The following HFM1 variants were observed in gnomAD, a reference collection of about 807,000 sequenced individuals.
HFM1 encodes probable ATP-dependent DNA helicase HFM1.
Under a neutral mutation model 192.1 loss-of-function variants are expected in HFM1, and 169 were observed. The observed-to-expected ratio is 0.88, with a 90% CI of 0.78 to 1.00. The LOEUF (loss-of-function observed/expected upper bound fraction) is 1.00, where lower values mean the gene tolerates loss of function less well. Ranked by LOEUF, HFM1 falls within the 50% of genes least tolerant of loss-of-function variation. The pLI, the probability that HFM1 is intolerant of heterozygous loss-of-function variation, is 0.00. For synonymous variants in HFM1, 525 were observed against 537.8 expected, an observed-to-expected ratio of 0.98 and a Z score of 0.33; for missense variants, 1,661 against 1,668.0, an observed-to-expected ratio of 1.00 and a Z score of 0.07.
chr1:91,380,244 A>G lies in HFM1; in HGVS notation c.874-8T>C. The G allele has an allele frequency of 6.7e-7, 1 of 1,494,384 alleles. No individual in the cohort carries two copies. The highest frequency in any genetic ancestry group is 9.0e-7 in the Non-Finnish European group (1 of 1,112,120). 92.6% of individuals were successfully genotyped at this position (1,494,384 alleles called of 1,614,324 possible). On this transcript the variant is annotated splice_polypyrimidine_tract_variant and splice_region_variant and intron_variant, in intron 7 of 38. Coordinates refer to ENST00000370425, the MANE Select transcript of HFM1 (RefSeq NM_001017975.6). ...CCTATCTGTGTAAAGAAGCTAAAAA[A>G]TAAAAAGTAATCAATCATGTAACAT...
intron 13 of HFM1, among the ~76,000 whole-genome samples, chr1:91,365,863 G>A (rs1276880551): frequency 6.6e-6 from 1 of 150,394 alleles, no homozygotes; most frequent in South Asian, 2.1e-4. Flanking sequence ...TATTGATTAA[G>A]AAATTGAAGT....
intron 30 of HFM1, among the ~76,000 whole-genome samples, chr1:91,277,842 C>CT (rs1667052329): frequency 1.7e-5 from 2 of 115,444 alleles, no homozygotes; most frequent in Non-Finnish European, 3.3e-5. Flanking sequence ...ATAATATATA[C>CT]TAATATATAT....
At position 91,262,483 on chromosome 1, in the gene HFM1, T is replaced by C. The variant is rs185069773; in HGVS notation, c.4084A>G (p.Ile1362Val). 2 of 1,589,238 alleles carry C rather than the reference T, an allele frequency of 1.3e-6. No homozygotes were observed. The highest frequency in any genetic ancestry group is 2.2e-5 in the East Asian group (1 of 44,634). The part of the protein sequence containing the change: ...KLPQQAGNAV[I>V]VHFQERKPQN... ...AACAAAGAAGTGCTTCTTCTTACAA[T>C]AACTGCATTTCCGGCTTGTTGAGGT... Residue 1362 changes from isoleucine to valine, a missense_variant and splice_region_variant, in exon 37 of 39, where the codon ATT becomes GTT. Transcript: ENST00000370425.
Position 91,385,234 on chromosome 1 carries a change from T to C in HFM1, c.755A>G (p.Glu252Gly). 6.5e-7 allele frequency: 1 copy of C among 1,535,974 alleles called. No individual in the cohort carries two copies. The highest frequency in any genetic ancestry group is 8.9e-7 in the Non-Finnish European group (1 of 1,118,698). ...SVAFQPHDIQ[E>G]VTENGLGSLK... Reference sequence around the variant, plus strand: ...GGAACCTAAACCATTTTCTGTTACCTCTGAAAAAAAAATGCTACATATTTA... The same window carrying C: ...GGAACCTAAACCATTTTCTGTTACCCCTGAAAAAAAAATGCTACATATTTA... Residue 252 changes from glutamate (E) to glycine (G), a missense_variant and splice_region_variant, in exon 6 of 39, where the codon GAG becomes GGG. Glu to Gly is a moderately conservative substitution (Grantham distance 98). Coordinates refer to ENST00000370425, the MANE Select transcript of HFM1 (RefSeq NM_001017975.6).
rs117805832 is a variant in HFM1 at position 91,286,249 on chromosome 1, G to A, written c.3392-9187C>T. On this transcript the variant is annotated intron_variant, in intron 30 of 38. Coordinates refer to ENST00000370425, the MANE Select transcript of HFM1 (RefSeq NM_001017975.6). ...ACAGATTAGTATATTAGTTTTCTAG[G>A]GTGGCTATAACAAAGTACCACACAC... is the stretch of plus-strand genomic sequence containing the variant. 6.2e-3 allele frequency among the ~76,000 whole-genome samples: 939 copies of A among 152,058 alleles called. 39 individuals carry two copies. The highest frequency in any genetic ancestry group is 0.056 in the East Asian group (289 of 5,162).
At position 91,263,541 on chromosome 1, in the gene HFM1, A is replaced by C. The variant is rs1665369748; in HGVS notation, c.3975-949T>G. Among the ~76,000 whole-genome samples the C allele has an allele frequency of 2.0e-5, 3 of 152,114 alleles. No individual in the cohort carries two copies. In the South Asian group the frequency reaches 6.2e-4, roughly 32 times the overall value. On this transcript the variant is annotated intron_variant, in intron 36 of 38. Transcript: ENST00000370425. ...AGGACAGCTTGAGTCCAGGAGTTTG[A>C]GGCCAGCTTAGTCAACATAGCAAGA...
chr1:91,339,236 A>C (rs1655014037), intron 20 of HFM1, among the ~76,000 whole-genome samples: 1 of 151,582 alleles, frequency 6.6e-6, no homozygotes, highest in Non-Finnish European at 1.5e-5. Context: ...AAAATACCAG[A>C]GTGTTTTCTT....
chr1:91,378,675 A>T (rs944747002), intron 9 of HFM1, among the ~76,000 whole-genome samples, 195 bp from the exon 10 acceptor site: 3 of 152,126 alleles, frequency 2.0e-5, no homozygotes, highest in Non-Finnish European at 4.4e-5. Context: ...AGGTATTTTT[A>T]AAACTGGGCC....
chr1:91,385,746 G>C lies in HFM1; in HGVS notation c.583C>G (p.Gln195Glu), dbSNP rs1299213476. 3.1e-6 allele frequency: 5 copies of C among 1,612,130 alleles called. No homozygotes were observed. In the East Asian group the frequency reaches 1.1e-4, roughly 36 times the overall value. Residue 195 changes from glutamine (Q) to glutamate (E), a missense_variant, in exon 5 of 39, where the codon CAA becomes GAA. Physicochemically the swap from Gln to Glu is conservative, Grantham distance 29. Transcript: ENST00000370425. Reference sequence around the variant, plus strand: ...GATTTCCCTTTGTTCATTTCTGTTTGTACAATTTTCACTGAGCCAATGTGA... The same window carrying C: ...GATTTCCCTTTGTTCATTTCTGTTTCTACAATTTTCACTGAGCCAATGTGA... ...DSHIGSVKIV[Q>E]TEMNKGKSRN...
At chr1:91,321,166 G>A (rs1368248063) in intron 23 of HFM1, among the ~76,000 whole-genome samples, 2 of 152,218 alleles carry the variant, frequency 1.3e-5, no homozygotes, top group African/African-American at 4.8e-5. Flanking sequence ...GCAGAGCCAG[G>A]CACGCTGGCT....
In HFM1 at chr1:91,352,603, A is replaced by G. The variant is rs1209622397; in HGVS notation, c.1880T>C (p.Val627Ala). 1.9e-6 allele frequency: 3 copies of G among 1,609,036 alleles called. No homozygotes were observed. In the South Asian group the frequency reaches 3.3e-5, roughly 18 times the overall value. Residue 627 changes from valine to alanine, a missense_variant, in exon 16 of 39, where the codon GTA (valine) becomes GCA (alanine). Val to Ala is a moderately conservative substitution (Grantham distance 64). Transcript: ENST00000370425. ...ATAATGCATTGTAGATTTTATAACT[A>G]CTAGGTGAGCAGGCAAATTTACTCC... is the stretch of plus-strand genomic sequence containing the variant. ...AMGVNLPAHL[V>A]VIKSTMHYAG...
intron 20 of HFM1, among the ~76,000 whole-genome samples, chr1:91,327,981 A>C (rs962318616): frequency 6.6e-6 from 1 of 152,194 alleles, no homozygotes; most frequent in Non-Finnish European, 1.5e-5. Flanking sequence ...TATGAAGAGG[A>C]AAGTTTATAG....
chr1:91,356,313 G>A (rs1254886128), intron 13 of HFM1, among the ~76,000 whole-genome samples: 3 of 150,734 alleles, frequency 2.0e-5, no homozygotes, highest in East Asian at 1.9e-4. Flanking sequence ...GCATGATCTC[G>A]GCTCACTGCA....
chr1:91,400,960 C>CA (rs2102212124), intron 2 of HFM1, 52 bp downstream of exon 2: 1 of 859,026 alleles, frequency 1.2e-6, no homozygotes, highest in African/African-American at 1.8e-5. Flanking sequence ...CACCCAAATT[C>CA]AAAAAACCCT....
intron 20 of HFM1, among the ~76,000 whole-genome samples, chr1:91,326,390 A>T (rs172191): frequency 6.6e-6 from 1 of 151,946 alleles, no homozygotes; most frequent in Non-Finnish European, 1.5e-5. Flanking sequence ...CATAGAATGG[A>T]GCTCCAATGT....
intron 13 of HFM1, among the ~76,000 whole-genome samples, chr1:91,364,607 CATATATATAT>C (rs202070365): frequency 2.0e-5 from 2 of 97,924 alleles, no homozygotes; most frequent in African/African-American, 8.6e-5. Context: ...TATACATATA[CATATATATAT>C]ATATATATAT....
chr1:91,313,091 C>CT (rs1364542477), intron 30 of HFM1, among the ~76,000 whole-genome samples: 1 of 152,086 alleles, frequency 6.6e-6, no homozygotes, highest in African/African-American at 2.4e-5. Context: ...TCAGGTATGT[C>CT]TTTATCAGCA....
At chr1:91,406,297 C>T (rs1381969624), upstream of HFM1, among the ~76,000 whole-genome samples, 1 of 152,160 alleles carries the variant, frequency 6.6e-6, no homozygotes, top group African/African-American at 2.4e-5. Context: ...GCAGCTTGAA[C>T]TAAGATAGGG....
At chr1:91,302,153 A>G (rs1442727861) in intron 30 of HFM1, among the ~76,000 whole-genome samples, 3 of 151,482 alleles carry the variant, frequency 2.0e-5, no homozygotes, top group Admixed American at 2.0e-4. Context: ...AAAAGAAGAC[A>G]TTTATGCAGC....
Sources: gnomAD v4.1 joint callset for allele counts (sites outside exome capture counted in the v4.1 genomes callset) on GRCh38, gnomAD v4.1.1 for gene constraint, MANE v1.5 for transcripts, NCBI Gene and HGNC (gene_info 2026-07-23, HGNC 2026-07-21) for gene names.